Variants in ECT2L observed in about 807,000 individuals in gnomAD.
The protein encoded by ECT2L is epithelial cell transforming 2 like.
A neutral mutation model predicts 122.8 loss-of-function variants in ECT2L; 126 were observed. That is an observed-to-expected ratio of 1.03 (90% CI 0.89 to 1.19). The LOEUF (loss-of-function observed/expected upper bound fraction) is 1.19, where lower values mean the gene tolerates loss of function less well. ECT2L is among the 50% of genes most tolerant of loss of function. The probability of loss-of-function intolerance (pLI) is 0.00; values close to 1 mark genes in which losing one functional copy is unlikely to be tolerated. For synonymous variants in ECT2L, 385 were observed against 381.8 expected, an observed-to-expected ratio of 1.01 and a Z score of -0.10; for missense variants, 1,012 against 1,064.1, an observed-to-expected ratio of 0.95 and a Z score of 0.68.
rs1776349396 is a variant in ECT2L at position 138,824,022 on chromosome 6, G to A, written c.179+9419G>A. Reference sequence around the variant, plus strand: ...AAATGAACAATATAGGAAAATAATTGTAACAGGCATAAGTGAATAACACTC... The same window carrying A: ...AAATGAACAATATAGGAAAATAATTATAACAGGCATAAGTGAATAACACTC... On this transcript the variant is annotated intron_variant, in intron 4 of 21. Coordinates refer to ENST00000541398, the MANE Select transcript of ECT2L (RefSeq NM_001077706.3). 2.7e-5 allele frequency among the ~76,000 whole-genome samples: 4 copies of A among 149,542 alleles called. No homozygotes were observed. In the South Asian group the frequency reaches 8.6e-4, roughly 32 times the overall value.
At chr6:138,859,729 T>C (rs1777749630) in intron 10 of ECT2L, among the ~76,000 whole-genome samples, 1 of 152,168 alleles carries the variant, frequency 6.6e-6, no homozygotes, top group African/African-American at 2.4e-5. Context: ...GAGCTCTTTA[T>C]ACATACTGGA....
intron 13 of ECT2L, among the ~76,000 whole-genome samples, chr6:138,872,770 G>A (rs1049689847): frequency 6.6e-6 from 1 of 151,998 alleles, no homozygotes; most frequent in African/African-American, 2.4e-5. Flanking sequence ...TGACTCCCTG[G>A]AATCCTTATT....
At chr6:138,813,403 T>C (rs1284096903) in intron 3 of ECT2L, 63 bp downstream of exon 3, 2 of 1,283,432 alleles carry the variant, frequency 1.6e-6, no homozygotes, top group Non-Finnish European at 2.2e-6. Context: ...CTGTGATATA[T>C]TGGGTCTCAT....
intron 4 of ECT2L, among the ~76,000 whole-genome samples, chr6:138,820,053 C>G (rs1288809361): frequency 6.6e-6 from 1 of 152,090 alleles, no homozygotes; most frequent in Non-Finnish European, 1.5e-5. Flanking sequence ...GATTACTGGC[C>G]CAGCCAAGCC....
At chr6:138,843,382 T>C in intron 6 of ECT2L, 151 bp downstream of exon 6, 1 of 740,058 alleles carries the variant, frequency 1.4e-6, no homozygotes, top group Non-Finnish European at 2.0e-6. Context: ...TTCCGTACTG[T>C]ATATTTCAAG....
At chr6:138,847,524 C>A (rs1582607939) in intron 8 of ECT2L, among the ~76,000 whole-genome samples, 1 of 149,414 alleles carries the variant, frequency 6.7e-6, no homozygotes, top group South Asian at 2.1e-4. Flanking sequence ...GCGCCCGCCA[C>A]CATGCCCGGC....
chr6:138,853,801 C>T (rs1313750160), intron 9 of ECT2L, among the ~76,000 whole-genome samples: 3 of 152,140 alleles, frequency 2.0e-5, no homozygotes, highest in African/African-American at 7.2e-5. Flanking sequence ...AATGCAATGT[C>T]GTAAACCTGA....
chr6:138,873,830 CAG>C (rs1562485939), intron 13 of ECT2L, among the ~76,000 whole-genome samples: 1 of 150,660 alleles, frequency 6.6e-6, no homozygotes, highest in Admixed American at 6.6e-5. Flanking sequence ...CAAACCCTCC[CAG>C]AGAGGCTTGT....
rs1777587596 is a variant in ECT2L, at chr6:138,855,645, G to C, written c.1198+1491G>C. Among the ~76,000 whole-genome samples the C allele has an allele frequency of 3.9e-5, 6 of 152,338 alleles. No homozygotes were observed. The South Asian group carries it at 1.2e-3, about 32-fold the overall frequency. ...TAGTTTTAAAAGACTAGGTTACAAAGAGTTGGATGGTGTGATCTCATTGTT... is the reference window on the plus strand; with the variant it reads ...TAGTTTTAAAAGACTAGGTTACAAACAGTTGGATGGTGTGATCTCATTGTT... On this transcript the variant is annotated intron_variant, in intron 10 of 21. Coordinates refer to ENST00000541398, the MANE Select transcript of ECT2L (RefSeq NM_001077706.3).
chr6:138,880,669 A>C (rs1778614154), intron 14 of ECT2L, among the ~76,000 whole-genome samples: 1 of 152,186 alleles, frequency 6.6e-6, no homozygotes, highest in Non-Finnish European at 1.5e-5. Flanking sequence ...TAAGACACCT[A>C]ATATGGATTT....
chr6:138,893,164 G>GT (rs534071219), intron 20 of ECT2L, among the ~76,000 whole-genome samples: 53 of 140,678 alleles, frequency 3.8e-4, no homozygotes, highest in Admixed American at 5.5e-4. Context: ...GTGCTTCTCA[G>GT]TTTTTTTTTG....
chr6:138,816,776 C>T (rs1477005754), intron 4 of ECT2L, among the ~76,000 whole-genome samples: 3 of 152,222 alleles, frequency 2.0e-5, no homozygotes, highest in Non-Finnish European at 4.4e-5. Context: ...TGAGCCGCCG[C>T]GCCCGGCCTA....
At chr6:138,836,133 CTTGG>C (rs1372941723) in intron 4 of ECT2L, among the ~76,000 whole-genome samples, 1 of 151,994 alleles carries the variant, frequency 6.6e-6, no homozygotes, top group Non-Finnish European at 1.5e-5. Context: ...GATTACATCC[CTTGG>C]TTAAGATAGC....
At chr6:138,797,341 A>C (rs1775378597) in intron 1 of ECT2L, among the ~76,000 whole-genome samples, 1 of 152,172 alleles carries the variant, frequency 6.6e-6, no homozygotes. Context: ...TAAGGAAGTA[A>C]ATTTTTGATA....
At chr6:138,887,394 T>G (rs1044041447) in intron 19 of ECT2L, among the ~76,000 whole-genome samples, 2 of 151,762 alleles carry the variant, frequency 1.3e-5, no homozygotes. Flanking sequence ...GCCCAGCTAA[T>G]TTTTTGTATT....
chr6:138,879,947 C>T (rs949261731), intron 14 of ECT2L, among the ~76,000 whole-genome samples: 6 of 146,956 alleles, frequency 4.1e-5, no homozygotes, highest in Non-Finnish European at 9.1e-5. Context: ...AGTAAGACTC[C>T]ATATCAAAAG....
rs573437951 is a variant in ECT2L, at chr6:138,854,123, C to T, written c.1167C>T (p.His389=). The T allele has an allele frequency of 4.8e-5, 78 of 1,614,052 alleles. 2 individuals are homozygous for T. The South Asian group carries it at 7.9e-4, about 16-fold the overall frequency. Residue 389 remains histidine, a synonymous_variant, in exon 10 of 22, where the codon CAC becomes CAT. Coordinates refer to ENST00000541398, the MANE Select transcript of ECT2L (RefSeq NM_001077706.3). ...TGGCCACTGAAGAAGAAGGGGGTCA[C>T]GTGGACTTCTTCGTGCCCCTTGGAG... ...SYVATEEEGG[H]VDFFVPLGAS...
intron 14 of ECT2L, among the ~76,000 whole-genome samples, chr6:138,878,245 T>A (rs908827839): frequency 6.6e-6 from 1 of 151,560 alleles, no homozygotes; most frequent in African/African-American, 2.4e-5. Context: ...CAATGATAAA[T>A]GAAAAACATG....
At chr6:138,876,817 T>C (rs1778468977) in intron 14 of ECT2L, among the ~76,000 whole-genome samples, 1 of 152,218 alleles carries the variant, frequency 6.6e-6, no homozygotes. Flanking sequence ...ACTCCCTGAC[T>C]TTCCTTTATG....
Sources: allele counts gnomAD v4.1 joint callset (sites outside exome capture counted in the v4.1 genomes callset), GRCh38; gene constraint gnomAD v4.1.1; transcripts MANE v1.5; gene names NCBI Gene and HGNC (gene_info 2026-07-23, HGNC 2026-07-21).